F8: variants seen among roughly 807,000 people sequenced by gnomAD.
The protein encoded by F8 is coagulation factor VIII.
In F8, 12 loss-of-function variants were observed where a neutral mutation model predicts 140.6. The observed-to-expected ratio is 0.09, with a 90% CI of 0.05 to 0.14. F8 has a LOEUF of 0.14. F8 is among the 10% of genes least tolerant of loss of function. The pLI is 1.00. For synonymous variants in F8, 585 were observed against 614.6 expected (o/e 0.95, Z 0.71); for missense variants, 1,354 against 1,720.7 (o/e 0.79, Z 3.77).
At chrX:154,874,693 C>T (rs868954402) in intron 22 of F8, among the ~76,000 whole-genome samples, 1 of 112,000 alleles carries the variant, frequency 8.9e-6, no homozygotes. Context: ...ATCAAAAAGA[C>T]AAAAGATGAC....
At chrX:154,968,906 T>C (rs183187111) in intron 7 of F8, among the ~76,000 whole-genome samples, 82 of 109,551 alleles carry the variant, frequency 7.5e-4, no homozygotes, top group African/African-American at 2.6e-3. Context: ...ACAGTTGCAA[T>C]CTGGACAATG....
intron 6 of F8, among the ~76,000 whole-genome samples, chrX:154,973,125 G>A (rs1324230191): frequency 8.9e-6 from 1 of 112,276 alleles, no homozygotes; most frequent in East Asian, 2.8e-4. Context: ...TACCCATCAT[G>A]TATTCTTGCC....
chrX:155,022,354 A>T, intron 1 of F8, 56 bp downstream of exon 1: 3 of 1,156,224 alleles, frequency 2.6e-6, no homozygotes, highest in Admixed American at 4.3e-5. Flanking sequence ...TCCTCCAAGC[A>T]GACTTACATC....
At position 154,931,477 on chromosome X, in the gene F8, C is replaced by T. The variant is rs1241906272; in HGVS notation, c.2313G>A (p.Arg771=). Residue 771 remains arginine, a synonymous_variant, in exon 14 of 26, where the codon AGG becomes AGA. Transcript: ENST00000360256. ...TTGTGGTGGCATTAAATTGCTTTTG[C>T]CTAGTGCTAGGGTGTCTTGAATTCT... ...FSQNSRHPST[R]QKQFNATTIP... 3 of 1,209,957 alleles carry T rather than the reference C, an allele frequency of 2.5e-6. No individual in the cohort carries two copies. The highest frequency in any genetic ancestry group is 3.4e-6 in the Non-Finnish European group (3 of 894,960).
chrX:154,901,445 G>A lies in F8; in HGVS notation c.6116-3C>T. 20 of 1,156,157 alleles carry A rather than the reference G, an allele frequency of 1.7e-5. No individual in the cohort carries two copies. The highest frequency in any genetic ancestry group is 2.2e-5 in the Non-Finnish European group (19 of 844,652). On this transcript the variant is annotated splice_polypyrimidine_tract_variant and splice_region_variant and intron_variant, in intron 19 of 25. Transcript: ENST00000360256. ...CATTCCCAGGGGAGTCTGACACTCTGAAATGAAACGGGTGGAACACAGTAA... is the reference window on the plus strand; with the variant it reads ...CATTCCCAGGGGAGTCTGACACTCTAAAATGAAACGGGTGGAACACAGTAA...
chrX:154,899,785 A>C (rs1557275813), intron 21 of F8, 81 bp downstream of exon 21: 3 of 929,635 alleles, frequency 3.2e-6, no homozygotes, highest in Non-Finnish European at 3.1e-6. Context: ...TATTCATAGA[A>C]TCCTTTGAGC....
chrX:154,853,545 G>A (rs954021807), intron 25 of F8, among the ~76,000 whole-genome samples: 52 of 111,333 alleles, frequency 4.7e-4, no homozygotes, highest in Non-Finnish European at 6.4e-4. Flanking sequence ...GAATCCTGGA[G>A]GCCTAAACTG....
intron 6 of F8, among the ~76,000 whole-genome samples, chrX:154,974,431 T>G (rs2073474362): frequency 8.9e-6 from 1 of 112,141 alleles, no homozygotes; most frequent in Admixed American, 9.4e-5. Context: ...AATTTGCATA[T>G]GTTAAACCAT....
chrX:154,991,107 G>A (rs782666594), intron 4 of F8, among the ~76,000 whole-genome samples: 1 of 112,183 alleles, frequency 8.9e-6, no homozygotes, highest in Non-Finnish European at 1.9e-5. Flanking sequence ...TTTTTACTCC[G>A]GCAGGTTTCT....
intron 5 of F8, among the ~76,000 whole-genome samples, chrX:154,985,239 T>C (rs185708217): frequency 3.6e-5 from 4 of 110,506 alleles, no homozygotes; most frequent in African/African-American, 1.3e-4. Context: ...CGTTTGAGAG[T>C]AGCCTGGCCA....
intron 14 of F8, among the ~76,000 whole-genome samples, chrX:154,917,414 C>T (rs2073103698): frequency 9.0e-6 from 1 of 111,456 alleles, no homozygotes; most frequent in South Asian, 3.7e-4. Context: ...TATTGTATGC[C>T]TTGGGGTAGT....
intron 14 of F8, among the ~76,000 whole-genome samples, chrX:154,923,564 T>C (rs782747938): frequency 8.9e-6 from 1 of 111,972 alleles, no homozygotes; most frequent in East Asian, 2.8e-4. Flanking sequence ...TGGCTGGGCA[T>C]GGTGGCTCAC....
intron 6 of F8, among the ~76,000 whole-genome samples, chrX:154,983,449 AG>A (rs1293629783): frequency 1.8e-5 from 2 of 111,989 alleles, no homozygotes; most frequent in African/African-American, 6.5e-5. Context: ...TTGTGAAAAT[AG>A]AGAGTAGAAT....
intron 25 of F8, among the ~76,000 whole-genome samples, chrX:154,843,788 A>G (rs2072541438): frequency 9.0e-6 from 1 of 111,496 alleles, no homozygotes; most frequent in African/African-American, 3.3e-5. Flanking sequence ...GAAGCTCTTT[A>G]GTTTCATTAG....
chrX:154,909,675 T>A (rs1392710022), intron 14 of F8: 1 of 113,833 alleles, frequency 8.8e-6, no homozygotes, highest in Non-Finnish European at 1.8e-5. Context: ...CTAGCAATAA[T>A]CAGGACAGTA....
chrX:154,905,696 T>C (rs28370216), intron 15 of F8, among the ~76,000 whole-genome samples: 1,409 of 111,837 alleles, frequency 0.013, 24 homozygotes, highest in African/African-American at 0.043. Flanking sequence ...TAGGTGTTTT[T>C]TAAAAAATCT....
intron 18 of F8, among the ~76,000 whole-genome samples, chrX:154,903,688 ATTCTG>A (rs1382963710): frequency 8.9e-6 from 1 of 112,133 alleles, no homozygotes; most frequent in Non-Finnish European, 1.9e-5. Context: ...TTATCCATTT[ATTCTG>A]TTCTATTTCC....
rs1196072981 is a variant in F8 at position 154,836,332 on chromosome X, T to A, written c.*1265A>T. 9.0e-6 allele frequency: 1 copy of A among 111,161 alleles called. No homozygotes were observed. The highest frequency in any genetic ancestry group is 1.9e-5 in the Non-Finnish European group (1 of 53,061). The allele number at this position is 111,161 out of a possible 1,213,427, so 9.2% of individuals were successfully genotyped here. A position where few individuals can be genotyped will look rare whatever the true frequency, so the allele number is the denominator to read the frequency against. On this transcript the variant is annotated 3_prime_UTR_variant, in exon 26 of 26. Transcript: ENST00000360256. Reference sequence around the variant, plus strand: ...TCCAGCCCCCTTTACTATCAGGAGATTCTGTGTAGTCATAGTGAAGGGGTC... The same window carrying A: ...TCCAGCCCCCTTTACTATCAGGAGAATCTGTGTAGTCATAGTGAAGGGGTC...
chrX:154,871,541 T>G (rs782472746), intron 22 of F8, among the ~76,000 whole-genome samples: 4 of 111,889 alleles, frequency 3.6e-5, no homozygotes, highest in Non-Finnish European at 5.6e-5. Flanking sequence ...TTTACAAAAA[T>G]CAACTCAAGA....
Sources: gnomAD v4.1 joint callset for allele counts (sites outside exome capture counted in the v4.1 genomes callset) on GRCh38, gnomAD v4.1.1 for gene constraint, MANE v1.5 for transcripts, NCBI Gene and HGNC (gene_info 2026-07-23, HGNC 2026-07-21) for gene names.